LRRTM4: variants seen among roughly 807,000 people sequenced by gnomAD.
LRRTM4 encodes the protein leucine-rich repeat transmembrane neuronal protein 4.
In LRRTM4, 25 loss-of-function variants were observed where a neutral mutation model predicts 47.6. The ratio of observed to expected loss-of-function variants is 0.53; its 90% CI spans 0.38 to 0.73. The LOEUF (loss-of-function observed/expected upper bound fraction) is 0.73. Among genes scored for constraint, LRRTM4 ranks in the 30% least tolerant of loss-of-function variants. The probability of loss-of-function intolerance (pLI) is 0.00; values close to 1 mark genes in which losing one functional copy is unlikely to be tolerated. For missense variants in LRRTM4, 638 were observed against 713.4 expected, an observed-to-expected ratio of 0.89 and a Z score of 1.20; for synonymous variants, 311 against 269.5, an observed-to-expected ratio of 1.15 and a Z score of -1.51.
At chr2:76,943,652 T>A (rs574118656) in intron 3 of LRRTM4, among the ~76,000 whole-genome samples, 1 of 152,270 alleles carries the variant, frequency 6.6e-6, no homozygotes, top group Non-Finnish European at 1.5e-5. Context: ...TATATCCTAT[T>A]GCCTTTTGAA....
chr2:77,455,386 T>G (rs929760216), intron 3 of LRRTM4, among the ~76,000 whole-genome samples: 6 of 152,056 alleles, frequency 3.9e-5, no homozygotes, highest in Non-Finnish European at 7.4e-5. Flanking sequence ...TTATCAGTAA[T>G]TTTTTCCAAT....
intron 3 of LRRTM4, among the ~76,000 whole-genome samples, chr2:77,236,180 C>A (rs1331697773): frequency 6.6e-6 from 1 of 151,990 alleles, no homozygotes; most frequent in Non-Finnish European, 1.5e-5. Flanking sequence ...TTGTTTGTGT[C>A]ATCTACAATA....
chr2:77,222,670 C>T (rs1674673037), intron 3 of LRRTM4, among the ~76,000 whole-genome samples: 1 of 152,130 alleles, frequency 6.6e-6, no homozygotes, highest in African/African-American at 2.4e-5. Context: ...GAAGTTGAAT[C>T]TTTGAATAGA....
chr2:76,880,031 A>T (rs1018291763), intron 3 of LRRTM4, among the ~76,000 whole-genome samples: 6 of 152,350 alleles, frequency 3.9e-5, no homozygotes, highest in Non-Finnish European at 2.9e-5. Context: ...TGGAGCTAAG[A>T]AAGTAGAATC....
intron 3 of LRRTM4, among the ~76,000 whole-genome samples, chr2:77,507,963 C>T (rs1016711459): frequency 2.6e-5 from 4 of 152,092 alleles, no homozygotes; most frequent in Middle Eastern, 3.4e-3. Flanking sequence ...AAGAGAAGTA[C>T]GTACAAATCC....
chr2:77,325,588 C>G (rs149198476), intron 3 of LRRTM4, among the ~76,000 whole-genome samples: 1,619 of 152,218 alleles, frequency 0.011, 34 homozygotes, highest in African/African-American at 0.037. Context: ...TGGCAGTGAG[C>G]CATTTGCTAA....
In LRRTM4 at chr2:77,365,961, CTAAA is replaced by C. The variant is rs2103756798; in HGVS notation, c.1551+152353_1551+152356del. ...TTCCTACATTATATATATATAAAAT[CTAAA>C]TAATTAATTTCTACTTCTTGGTAGA... On this transcript the variant is annotated intron_variant, in intron 3 of 3. Transcript: ENST00000409884. Among the ~76,000 whole-genome samples the C allele has an allele frequency of 1.3e-5, 2 of 149,002 alleles. 1 individual carries two copies. Among genetic ancestry groups the C allele is most frequent in the East Asian group, 3.9e-4 (2 of 5,106 alleles).
rs921495986 is a variant in LRRTM4 at position 76,748,567 on chromosome 2, A to G, written c.*128T>C. The G allele has an allele frequency of 2.7e-5, 20 of 739,598 alleles. No homozygotes were observed. The Admixed American group carries it at 3.5e-4, about 13-fold the overall frequency. The allele number at this position is 739,598 out of a possible 1,614,324, so 45.8% of individuals were successfully genotyped here. ...TTTTTTTTCTCTTTTTCTTTTCTCT[A>G]TGCCATAAATGTTTTAACAGGAACG... On this transcript the variant is annotated 3_prime_UTR_variant, in exon 4 of 4. Coordinates refer to ENST00000409884, the MANE Select transcript of LRRTM4 (RefSeq NM_001134745.3).
chr2:77,312,068 C>G (rs1371666145), intron 3 of LRRTM4, among the ~76,000 whole-genome samples: 1 of 152,110 alleles, frequency 6.6e-6, no homozygotes, highest in African/African-American at 2.4e-5. Context: ...CTCCACACCC[C>G]CACCTTGGAC....
intron 3 of LRRTM4, among the ~76,000 whole-genome samples, chr2:76,816,819 GTTTTTTTTTTTT>G (rs201525166): frequency 1.6e-4 from 15 of 96,550 alleles, no homozygotes; most frequent in African/African-American, 2.9e-4. Flanking sequence ...GAGGTAAAGA[GTTTTTTTTTTTT>G]TTTTTTTTTT....
At chr2:77,447,025 T>G (rs1170483422) in intron 3 of LRRTM4, among the ~76,000 whole-genome samples, 11 of 152,058 alleles carry the variant, frequency 7.2e-5, no homozygotes, top group Admixed American at 5.3e-4. Flanking sequence ...AATCTAGTGA[T>G]GCAAAACAAT....
intron 3 of LRRTM4, among the ~76,000 whole-genome samples, chr2:77,075,500 C>A (rs919622679): frequency 6.6e-6 from 1 of 152,172 alleles, no homozygotes; most frequent in African/African-American, 2.4e-5. Flanking sequence ...ACTAATACTA[C>A]TACTTAGGAT....
At chr2:76,807,947 TTCTTTC>T (rs1558668247) in intron 3 of LRRTM4, among the ~76,000 whole-genome samples, 2 of 125,854 alleles carry the variant, frequency 1.6e-5, no homozygotes, top group African/African-American at 6.7e-5. Context: ...CTTTCTTTCT[TTCTTTC>T]TTTTTCTTTT....
intron 3 of LRRTM4, among the ~76,000 whole-genome samples, chr2:76,789,805 AT>A (rs1463792537): frequency 1.3e-5 from 2 of 152,090 alleles, no homozygotes; most frequent in Non-Finnish European, 2.9e-5. Context: ...GTGTCTTCCC[AT>A]TTTATTATTT....
At chr2:76,773,618 TAAA>T (rs903029086) in intron 3 of LRRTM4, among the ~76,000 whole-genome samples, 10 of 151,630 alleles carry the variant, frequency 6.6e-5, no homozygotes, top group Non-Finnish European at 1.5e-4. Context: ...CAACTAAAAA[TAAA>T]AAATAAATAA....
chr2:76,788,309 C>T (rs544522478), intron 3 of LRRTM4, among the ~76,000 whole-genome samples: 1 of 152,286 alleles, frequency 6.6e-6, no homozygotes, highest in Admixed American at 6.5e-5. Context: ...AAAGGAGTCA[C>T]ATAGTCACAT....
At chr2:77,174,057 C>A (rs887827998) in intron 3 of LRRTM4, among the ~76,000 whole-genome samples, 1 of 151,964 alleles carries the variant, frequency 6.6e-6, no homozygotes, top group African/African-American at 2.4e-5. Flanking sequence ...GTGCTGCCAC[C>A]CCCTAAGGAG....
At chr2:76,996,225 C>G (rs10196895) in intron 3 of LRRTM4, among the ~76,000 whole-genome samples, 76,554 of 151,808 alleles carry the variant, frequency 0.5, 20,008 homozygotes, top group African/African-American at 0.64. Context: ...TTATTGAACT[C>G]TTAGATAATG....
At chr2:76,905,477 G>A (rs899735606) in intron 3 of LRRTM4, among the ~76,000 whole-genome samples, 4 of 152,134 alleles carry the variant, frequency 2.6e-5, no homozygotes, top group African/African-American at 9.7e-5. Flanking sequence ...TTCCTCACCA[G>A]CAATGGAAAA....
Sources: allele counts gnomAD v4.1 joint callset (sites outside exome capture counted in the v4.1 genomes callset), GRCh38; gene constraint gnomAD v4.1.1; transcripts MANE v1.5; gene names NCBI Gene and HGNC (gene_info 2026-07-23, HGNC 2026-07-21).